Variants in SMC6 observed in about 807,000 individuals in gnomAD.
The protein encoded by SMC6 is structural maintenance of chromosomes 6.
Under a neutral mutation model 142.2 loss-of-function variants are expected in SMC6, and 79 were observed. The observed-to-expected ratio is 0.56, with a 90% CI of 0.46 to 0.67. SMC6 has a LOEUF of 0.67. Ranked by LOEUF, SMC6 falls within the 30% of genes least tolerant of loss-of-function variation. The pLI is 0.00. For missense variants in SMC6, 1,072 were observed against 1,284.0 expected, an observed-to-expected ratio of 0.83 and a Z score of 2.52; for synonymous variants, 411 against 412.4, an observed-to-expected ratio of 1.00 and a Z score of 0.04.
At chr2:17,706,100 G>T (rs1668494033) in intron 18 of SMC6, among the ~76,000 whole-genome samples, 1 of 152,062 alleles carries the variant, frequency 6.6e-6, no homozygotes, top group South Asian at 2.1e-4. Context: ...AGTGCCTGGA[G>T]TATTAGATAC....
chr2:17,696,515 G>C, intron 21 of SMC6, 89 bp from the exon 22 acceptor site: 10 of 1,357,170 alleles, frequency 7.4e-6, no homozygotes, highest in Middle Eastern at 1.8e-4. Context: ...AAAGTGGCTA[G>C]GATTATGCTG....
chr2:17,730,857 A>AC (rs1669882471), intron 7 of SMC6, among the ~76,000 whole-genome samples: 1 of 150,982 alleles, frequency 6.6e-6, no homozygotes, highest in African/African-American at 2.4e-5. Context: ...CAGGTGATCC[A>AC]CCCGCCTTGG....
chr2:17,745,793 AT>A, intron 3 of SMC6, 33 bp downstream of exon 3: 1 of 1,562,884 alleles, frequency 6.4e-7, no homozygotes. Context: ...AGAAAAACAT[AT>A]CAAAAAGCAT....
intron 23 of SMC6, among the ~76,000 whole-genome samples, chr2:17,686,486 A>C (rs1253085339): frequency 1.3e-5 from 2 of 152,326 alleles, no homozygotes; most frequent in South Asian, 4.1e-4. Context: ...CGTCCCAAAA[A>C]GCAAGGCAAA....
At chr2:17,702,908 G>A (rs1048408591) in intron 19 of SMC6, among the ~76,000 whole-genome samples, 1 of 152,060 alleles carries the variant, frequency 6.6e-6, no homozygotes, top group South Asian at 2.1e-4. Flanking sequence ...TCTTGGGTAC[G>A]TCTTTATCAG....
chr2:17,752,139 C>CA (rs1158248361), intron 2 of SMC6, among the ~76,000 whole-genome samples: 3 of 152,204 alleles, frequency 2.0e-5, no homozygotes, highest in East Asian at 1.9e-4. Flanking sequence ...TAGGTACAGT[C>CA]AATCCCTAAG....
At chr2:17,723,188 TTC>T (rs1669458123) in intron 9 of SMC6, among the ~76,000 whole-genome samples, 1 of 152,130 alleles carries the variant, frequency 6.6e-6, no homozygotes, top group South Asian at 2.1e-4. Flanking sequence ...CATTTCAAAG[TTC>T]TCTCTCTTAC....
intron 5 of SMC6, among the ~76,000 whole-genome samples, chr2:17,736,338 G>A (rs958914973): frequency 1.3e-5 from 2 of 152,212 alleles, no homozygotes; most frequent in South Asian, 4.1e-4. Flanking sequence ...CTTAGAAGTC[G>A]GTGATTTGTT....
At chr2:17,730,360 T>G (rs1234686867) in intron 7 of SMC6, among the ~76,000 whole-genome samples, 1 of 149,494 alleles carries the variant, frequency 6.7e-6, no homozygotes, top group Non-Finnish European at 1.5e-5. Flanking sequence ...AAATTTTCTT[T>G]AAGAATTTAG....
Position 17,703,234 on chromosome 2 carries a change from A to T in SMC6, c.2065T>A (p.Leu689Ile). ...TAQILNLQQH[L>I]SALEKDIKHN... ...TTAATATCTTTTTCAAGGGCAGATA[A>T]ATGTTGCTGAAGATTTAATATCTGG... The change falls in exon 19 of 28, where the codon TTA becomes ATA. Residue 689 changes from leucine (L) to isoleucine (I), a missense_variant. This residue lies in a region of SMC6 where 994 missense variants were observed against 1,153.2 expected (regional missense o/e 0.86). Coordinates refer to ENST00000448223, the MANE Select transcript of SMC6 (RefSeq NM_001142286.2). The T allele has an allele frequency of 1.2e-6, 2 of 1,606,074 alleles. No homozygotes were observed. Among genetic ancestry groups the T allele is most frequent in the South Asian group, 2.2e-5 (2 of 90,146 alleles).
intron 9 of SMC6, among the ~76,000 whole-genome samples, chr2:17,722,460 C>T (rs781234816): frequency 2.6e-5 from 4 of 152,090 alleles, no homozygotes; most frequent in Non-Finnish European, 5.9e-5. Context: ...TCCAACTTAA[C>T]AAACAAAACC....
intron 8 of SMC6, among the ~76,000 whole-genome samples, chr2:17,725,821 C>T (rs1387831793): frequency 6.6e-6 from 1 of 152,076 alleles, no homozygotes; most frequent in Non-Finnish European, 1.5e-5. Flanking sequence ...AGCACAGTGG[C>T]TCACACCGGT....
rs540188303 is a variant in SMC6, at chr2:17,695,455, TTTATATTGAAGA to T, written c.2533-170_2533-159del. ...CAATGTTATTTATATTTATCTAAGT[TTTATATTGAAGA>T]TAAAGTCCAGAGTAATGACCTCAAG... On this transcript the variant is annotated intron_variant, in intron 22 of 27. Coordinates refer to ENST00000448223, the MANE Select transcript of SMC6 (RefSeq NM_001142286.2). 7.9e-5 allele frequency among the ~76,000 whole-genome samples: 12 copies of T among 152,326 alleles called. No homozygotes were observed. The East Asian group carries it at 2.3e-3, about 29-fold the overall frequency.
intron 13 of SMC6, 22 bp downstream of exon 13, chr2:17,717,066 A>C: frequency 6.3e-7 from 1 of 1,599,360 alleles, no homozygotes; most frequent in Non-Finnish European, 8.5e-7. Flanking sequence ...TAGCCATGAA[A>C]ATTTCAAAGT....
At chr2:17,738,384 C>A in intron 4 of SMC6, 58 bp from the exon 5 acceptor site, 1 of 1,223,048 alleles carries the variant, frequency 8.2e-7, no homozygotes, top group Non-Finnish European at 1.2e-6. Context: ...AAAAAGCTGA[C>A]TCCTACCATG....
intron 8 of SMC6, 36 bp downstream of exon 8, chr2:17,726,353 T>C (rs771729691): frequency 6.5e-7 from 1 of 1,531,152 alleles, no homozygotes. Context: ...AGGTATTCTT[T>C]TTAAATGGGT....
chr2:17,696,047 C>T (rs768437110), intron 22 of SMC6, among the ~76,000 whole-genome samples: 46 of 152,230 alleles, frequency 3.0e-4, no homozygotes, highest in African/African-American at 1.1e-3. Context: ...TGAAAGACAG[C>T]GCTACTTTCT....
chr2:17,733,161 A>G (rs1032093794), intron 5 of SMC6, among the ~76,000 whole-genome samples: 17 of 152,232 alleles, frequency 1.1e-4, no homozygotes, highest in African/African-American at 3.6e-4. Flanking sequence ...ATCATACTCT[A>G]AAACTGTTCC....
intron 11 of SMC6, among the ~76,000 whole-genome samples, chr2:17,718,769 T>C (rs1160210378): frequency 6.6e-6 from 1 of 152,140 alleles, no homozygotes; most frequent in African/African-American, 2.4e-5. Context: ...AGAGCTTAAA[T>C]TGAAAGGATA....
Sources: gnomAD v4.1 joint callset for allele counts (sites outside exome capture counted in the v4.1 genomes callset) on GRCh38, gnomAD v4.1.1 for gene constraint, gnomAD v4.1.1 regional missense constraint, MANE v1.5 for transcripts, NCBI Gene and HGNC (gene_info 2026-07-23, HGNC 2026-07-21) for gene names.